The following UBE2E2 variants were observed in gnomAD, a reference collection of about 807,000 sequenced individuals.
The protein encoded by UBE2E2 is ubiquitin-conjugating enzyme E2 E2.
UBE2E2 carries 6 observed loss-of-function variants against 24.7 expected under a neutral mutation model. The observed-to-expected ratio is 0.24, with a 90% CI of 0.13 to 0.48. The LOEUF is 0.48. Ranked by LOEUF, UBE2E2 falls within the 20% of genes least tolerant of loss-of-function variation. The probability of loss-of-function intolerance (pLI) is 0.99; values close to 1 mark genes in which losing one functional copy is unlikely to be tolerated. For missense variants in UBE2E2, 169 were observed against 245.0 expected (o/e 0.69, Z 2.07); for synonymous variants, 104 against 83.6 (o/e 1.24, Z -1.33).
chr3:23,349,337 T>A (rs934778843), intron 3 of UBE2E2, among the ~76,000 whole-genome samples: 1 of 152,204 alleles, frequency 6.6e-6, no homozygotes, highest in East Asian at 1.9e-4. Flanking sequence ...CATTTCCATC[T>A]GAGGTACTGG....
At chr3:23,217,216 G>A (rs555657778) in intron 2 of UBE2E2, 46 bp from the exon 3 acceptor site, 1 of 1,497,236 alleles carries the variant, frequency 6.7e-7, no homozygotes, top group South Asian at 1.1e-5. Flanking sequence ...AAATTGTTAA[G>A]AGTGAAGATA....
chr3:23,482,238 C>T (rs1176329959), intron 3 of UBE2E2, among the ~76,000 whole-genome samples: 1 of 152,200 alleles, frequency 6.6e-6, no homozygotes, highest in Non-Finnish European at 1.5e-5. Flanking sequence ...TTTATAGACT[C>T]TTAAGAGGGT....
intron 3 of UBE2E2, among the ~76,000 whole-genome samples, chr3:23,338,430 ATATATG>A (rs963872302): frequency 6.6e-6 from 1 of 152,182 alleles, no homozygotes. Flanking sequence ...AGAAGGTTGC[ATATATG>A]TGTATGTGTA....
chr3:23,300,756 T>C (rs1699053901), intron 3 of UBE2E2, among the ~76,000 whole-genome samples: 1 of 152,116 alleles, frequency 6.6e-6, no homozygotes, highest in Non-Finnish European at 1.5e-5. Context: ...CTGACAATTA[T>C]GTGTCTTGGA....
At chr3:23,249,015 A>T (rs1478033769) in intron 3 of UBE2E2, among the ~76,000 whole-genome samples, 1 of 152,190 alleles carries the variant, frequency 6.6e-6, no homozygotes, top group African/African-American at 2.4e-5. Flanking sequence ...TCATGCCTGT[A>T]ATTCTAGCAC....
intron 3 of UBE2E2, among the ~76,000 whole-genome samples, chr3:23,497,011 AAAGT>A (rs1202037904): frequency 1.3e-5 from 2 of 152,212 alleles, no homozygotes; most frequent in African/African-American, 4.8e-5. Flanking sequence ...TTCTTACAAT[AAAGT>A]AAGCTAGAAA....
intron 3 of UBE2E2, among the ~76,000 whole-genome samples, chr3:23,287,529 G>A (rs940498696): frequency 3.9e-5 from 6 of 152,052 alleles, no homozygotes; most frequent in African/African-American, 7.2e-5. Flanking sequence ...GATAAAATTC[G>A]GCCTTGAAGC....
At chr3:23,273,921 GTATGTATA>G (rs1698316246) in intron 3 of UBE2E2, 1 of 152,158 alleles carries the variant, frequency 6.6e-6, no homozygotes, top group Non-Finnish European at 1.5e-5. Context: ...ATGTATGCGT[GTATGTATA>G]TATGTAATAA....
intron 3 of UBE2E2, among the ~76,000 whole-genome samples, chr3:23,368,934 A>G (rs1464014364): frequency 6.6e-6 from 1 of 152,220 alleles, no homozygotes; most frequent in East Asian, 1.9e-4. Flanking sequence ...GTTATTTTAC[A>G]GTGTGTGTGT....
At chr3:23,458,897 A>T (rs1167162852) in intron 3 of UBE2E2, among the ~76,000 whole-genome samples, 1 of 152,208 alleles carries the variant, frequency 6.6e-6, no homozygotes, top group African/African-American at 2.4e-5. Context: ...GCAATATCTA[A>T]GAAGCACCGT....
At chr3:23,255,079 CTTTTTTTTTTTTTTT>C (rs202015038) in intron 3 of UBE2E2, among the ~76,000 whole-genome samples, 1 of 85,950 alleles carries the variant, frequency 1.2e-5, no homozygotes, top group African/African-American at 5.2e-5. Context: ...GAGTAACTTC[CTTTTTTTTTTTTTTT>C]TTTTTTTTTT....
At chr3:23,330,535 A>G (rs1292385591) in intron 3 of UBE2E2, among the ~76,000 whole-genome samples, 2 of 152,220 alleles carry the variant, frequency 1.3e-5, no homozygotes, top group African/African-American at 2.4e-5. Flanking sequence ...ATAGTACACG[A>G]ATTACAAGGA....
intron 3 of UBE2E2, among the ~76,000 whole-genome samples, chr3:23,244,122 T>G (rs1325797767): frequency 4.6e-5 from 3 of 65,072 alleles, no homozygotes; most frequent in Non-Finnish European, 6.0e-5. Context: ...AAATGTACCC[T>G]GCATTTCATT....
At chr3:23,247,400 G>A (rs1300351262) in intron 3 of UBE2E2, among the ~76,000 whole-genome samples, 1 of 151,076 alleles carries the variant, frequency 6.6e-6, no homozygotes, top group Non-Finnish European at 1.5e-5. Context: ...CTGTCACCAG[G>A]CTGGAGTGCA....
chr3:23,515,424 G>A (rs1694710936), intron 4 of UBE2E2, among the ~76,000 whole-genome samples: 1 of 152,126 alleles, frequency 6.6e-6, no homozygotes, highest in South Asian at 2.1e-4. Flanking sequence ...GCTGGTCCAT[G>A]ATGGATGATA....
At chr3:23,453,235 G>A (rs1250258730) in intron 3 of UBE2E2, among the ~76,000 whole-genome samples, 4 of 151,926 alleles carry the variant, frequency 2.6e-5, no homozygotes, top group Non-Finnish European at 2.9e-5. Context: ...ACGTAGTTGT[G>A]GTGTTTTCAA....
chr3:23,359,816 C>G (rs188244599), intron 3 of UBE2E2, among the ~76,000 whole-genome samples: 4 of 152,246 alleles, frequency 2.6e-5, no homozygotes, highest in Admixed American at 2.0e-4. Context: ...AGGGGAGATT[C>G]ATGAAACATA....
chr3:23,493,968 T>C (rs6798153), intron 3 of UBE2E2, among the ~76,000 whole-genome samples: 85,738 of 151,978 alleles, frequency 0.56, 25,338 homozygotes, highest in African/African-American at 0.74. Context: ...TTACAAGATT[T>C]GTGCTATAAT....
At chr3:23,389,575 A>G in intron 3 of UBE2E2, 1 of 238,090 alleles carries the variant, frequency 4.2e-6, no homozygotes, top group Admixed American at 4.7e-5. Context: ...TGGAAGAGGT[A>G]AGAACTTTAG....
Sources: allele counts gnomAD v4.1 joint callset (sites outside exome capture counted in the v4.1 genomes callset), GRCh38; gene constraint gnomAD v4.1.1; transcripts MANE v1.5; gene names NCBI Gene and HGNC (gene_info 2026-07-23, HGNC 2026-07-21).